Variants in FARS2 observed in about 807,000 individuals in gnomAD.
The protein encoded by FARS2 is phenylalanine--tRNA ligase, mitochondrial.
Under a neutral mutation model 46.4 loss-of-function variants are expected in FARS2, and 40 were observed. The observed-to-expected ratio is 0.86, with a 90% CI of 0.67 to 1.12. The LOEUF (loss-of-function observed/expected upper bound fraction) is 1.12, where lower values mean the gene tolerates loss of function less well. Among genes scored for constraint, FARS2 ranks in the 50% most tolerant of loss-of-function variants. The pLI is 0.00. For synonymous variants in FARS2, 234 were observed against 214.9 expected (o/e 1.09, Z -0.78); for missense variants, 513 against 567.9 (o/e 0.90, Z 0.98).
intron 6 of FARS2, among the ~76,000 whole-genome samples, chr6:5,641,834 G>A (rs1176983782): frequency 1.3e-5 from 2 of 152,140 alleles, no homozygotes; most frequent in Non-Finnish European, 2.9e-5. Flanking sequence ...TGCTTCTCAA[G>A]GCTACTTCTT....
intron 4 of FARS2, among the ~76,000 whole-genome samples, chr6:5,448,997 G>A (rs1249513817): frequency 2.0e-5 from 3 of 152,206 alleles, no homozygotes; most frequent in Non-Finnish European, 4.4e-5. Context: ...ATAGTTGCAC[G>A]TGAAAGATCG....
chr6:5,667,705 A>G (rs1315942443), intron 6 of FARS2, among the ~76,000 whole-genome samples: 7 of 152,208 alleles, frequency 4.6e-5, no homozygotes, highest in Non-Finnish European at 1.0e-4. Context: ...AGAGCTGGAT[A>G]AGCCCTTAGA....
intron 5 of FARS2, chr6:5,610,309 TTTA>T (rs1475205047): frequency 4.2e-5 from 16 of 384,466 alleles, no homozygotes; most frequent in African/African-American, 3.0e-4. Flanking sequence ...TTCAATTCTT[TTTA>T]AAAAAAAAAA....
At chr6:5,431,277 C>A in intron 4 of FARS2, 105 bp downstream of exon 4, 1 of 1,142,784 alleles carries the variant, frequency 8.8e-7, no homozygotes, top group Non-Finnish European at 1.3e-6. Context: ...TCTATGCGGG[C>A]AGCGGCATCA....
intron 5 of FARS2, among the ~76,000 whole-genome samples, chr6:5,554,831 A>G (rs1771564552): frequency 6.6e-6 from 1 of 152,176 alleles, no homozygotes; most frequent in African/African-American, 2.4e-5. Context: ...GAGAGCTCCT[A>G]ATATTGAACT....
At chr6:5,738,523 A>AAGG (rs58489313) in intron 6 of FARS2, among the ~76,000 whole-genome samples, 17,327 of 152,206 alleles carry the variant, frequency 0.11, 3,212 homozygotes, top group African/African-American at 0.39. Flanking sequence ...GTAAAACAGC[A>AAGG]AGAACAGAGT....
intron 4 of FARS2, among the ~76,000 whole-genome samples, chr6:5,502,968 T>C: frequency 6.6e-6 from 1 of 152,118 alleles, no homozygotes; most frequent in East Asian, 1.9e-4. Context: ...TTGTCAAAGG[T>C]AACACACCTG....
At chr6:5,560,317 G>A (rs1262279983) in intron 5 of FARS2, among the ~76,000 whole-genome samples, 3 of 152,028 alleles carry the variant, frequency 2.0e-5, no homozygotes, top group Non-Finnish European at 4.4e-5. Context: ...TATATATTTC[G>A]AGATGATCTT....
At chr6:5,486,551 G>A (rs375778731) in intron 4 of FARS2, among the ~76,000 whole-genome samples, 24 of 152,316 alleles carry the variant, frequency 1.6e-4, no homozygotes, top group African/African-American at 5.8e-4. Context: ...CTGAGTAAAT[G>A]ATTGCTTTCC....
intron 6 of FARS2, among the ~76,000 whole-genome samples, chr6:5,614,196 G>A (rs554380860): frequency 7.2e-4 from 109 of 152,138 alleles, no homozygotes; most frequent in Non-Finnish European, 1.4e-3. Flanking sequence ...GATAAGTGAC[G>A]TGATTTGATT....
chr6:5,495,255 G>C (rs908283617), intron 4 of FARS2, among the ~76,000 whole-genome samples: 2 of 152,226 alleles, frequency 1.3e-5, no homozygotes, highest in African/African-American at 2.4e-5. Flanking sequence ...TAGTGTGCCA[G>C]CTGGAAGATG....
intron 5 of FARS2, among the ~76,000 whole-genome samples, chr6:5,569,938 A>T (rs1386740629): frequency 2.0e-5 from 3 of 150,440 alleles, no homozygotes; most frequent in African/African-American, 7.4e-5. Flanking sequence ...GAGGTAGAAG[A>T]CGGATGTCAG....
intron 4 of FARS2, among the ~76,000 whole-genome samples, chr6:5,493,268 T>A (rs892608539): frequency 4.6e-5 from 7 of 151,620 alleles, no homozygotes; most frequent in Non-Finnish European, 1.0e-4. Context: ...ACTATGTTGC[T>A]CTCTCATTAC....
chr6:5,550,344 C>T (rs1388149720), intron 5 of FARS2, among the ~76,000 whole-genome samples: 10 of 152,150 alleles, frequency 6.6e-5, no homozygotes, highest in South Asian at 6.2e-4. Context: ...GGTGCCATCA[C>T]GGCTCACTGC....
intron 4 of FARS2, chr6:5,467,228 GCCACAGGTGGTTACCCATTCTTAA>G: frequency 2.7e-6 from 1 of 367,312 alleles, no homozygotes; most frequent in Non-Finnish European, 3.8e-6. Context: ...TTTATTTATT[GCCACAGGTGGTTACCCATTCTTAA>G]CCAATCCTTA....
chr6:5,419,133 A>T (rs1292143432), intron 3 of FARS2, among the ~76,000 whole-genome samples: 3 of 151,938 alleles, frequency 2.0e-5, no homozygotes, highest in Non-Finnish European at 2.9e-5. Flanking sequence ...TGTGACAGGA[A>T]CTCTTTGAAA....
chr6:5,751,944 T>A (rs1761970924), intron 6 of FARS2, among the ~76,000 whole-genome samples: 1 of 152,020 alleles, frequency 6.6e-6, no homozygotes, highest in African/African-American at 2.4e-5. Context: ...AAAATCAAAG[T>A]CCCCCACCAG....
intron 2 of FARS2, among the ~76,000 whole-genome samples, chr6:5,389,419 T>G (rs759105402): frequency 6.6e-6 from 1 of 152,198 alleles, no homozygotes; most frequent in Non-Finnish European, 1.5e-5. Context: ...CTTTCTTTCA[T>G]GTACTCAATC....
chr6:5,456,718 G>A (rs200204), intron 4 of FARS2, among the ~76,000 whole-genome samples: 94,327 of 130,290 alleles, frequency 0.72, 33,914 homozygotes, highest in East Asian at 0.92. Flanking sequence ...GCAACACAGC[G>A]AGACTCCATC....
Sources: gnomAD v4.1 joint callset for allele counts (sites outside exome capture counted in the v4.1 genomes callset) on GRCh38, gnomAD v4.1.1 for gene constraint, MANE v1.5 for transcripts, NCBI Gene and HGNC (gene_info 2026-07-23, HGNC 2026-07-21) for gene names.